PDHX: variants seen among roughly 807,000 people sequenced by gnomAD.
PDHX encodes the protein pyruvate dehydrogenase protein X component, mitochondrial.
In PDHX, 33 loss-of-function variants were observed where a neutral mutation model predicts 55.3. That is an observed-to-expected ratio of 0.60 (90% CI 0.45 to 0.80). The LOEUF (loss-of-function observed/expected upper bound fraction) is 0.80, where lower values mean the gene tolerates loss of function less well. PDHX is among the 30% of genes least tolerant of loss of function. PDHX has a pLI of 0.00. For synonymous variants in PDHX, 226 were observed against 219.4 expected (o/e 1.03, Z -0.27); for missense variants, 622 against 619.9 (o/e 1.00, Z -0.04).
rs146257318 is a variant in PDHX at position 34,992,604 on chromosome 11, A to G, written c.1247+225A>G. Among the ~76,000 whole-genome samples, 202 of 152,306 alleles carry G rather than the reference A, an allele frequency of 1.3e-3. 1 individual carries two copies. Among genetic ancestry groups the G allele is most frequent in the African/African-American group, 4.6e-3 (191 of 41,584 alleles). On this transcript the variant is annotated intron_variant, in intron 10 of 10. Transcript: ENST00000227868. ...TGAACTAAACGTTCGTTGGACATTG[A>G]CTAACATGGAATGATAAATATTATG... is the stretch of plus-strand genomic sequence containing the variant.
chr11:34,974,208 T>C (rs1379473959), intron 7 of PDHX, among the ~76,000 whole-genome samples: 1 of 152,220 alleles, frequency 6.6e-6, no homozygotes, highest in Non-Finnish European at 1.5e-5. Context: ...ACCATTCTTC[T>C]TTCTGTTCCT....
In PDHX at chr11:34,963,406, A is replaced by G. The variant is rs151328387; in HGVS notation, c.641+2888A>G. Among the ~76,000 whole-genome samples the G allele has an allele frequency of 2.1e-3, 327 of 152,222 alleles. 1 individual carries two copies. The highest frequency in any genetic ancestry group is 3.9e-3 in the Non-Finnish European group (263 of 67,992). ...TGGTCCTATCACCTCAACCTCCCAA[A>G]TAGTTGGGACTACAGGTGTGCCACC... On this transcript the variant is annotated intron_variant, in intron 5 of 10. Coordinates refer to ENST00000227868, the MANE Select transcript of PDHX (RefSeq NM_003477.3).
At chr11:34,982,454 A>G (rs1458518311) in intron 8 of PDHX, among the ~76,000 whole-genome samples, 1 of 152,224 alleles carries the variant, frequency 6.6e-6, no homozygotes, top group African/African-American at 2.4e-5. Flanking sequence ...AGACACAAAA[A>G]AACCTTCAAA....
At chr11:34,965,564 C>G (rs1373960061) in intron 5 of PDHX, among the ~76,000 whole-genome samples, 1 of 151,990 alleles carries the variant, frequency 6.6e-6, no homozygotes, top group African/African-American at 2.4e-5. Flanking sequence ...ATAATAGGAC[C>G]TAATAATGGG....
intron 6 of PDHX, among the ~76,000 whole-genome samples, chr11:34,968,372 A>G (rs2761821): frequency 0.72 from 109,471 of 152,078 alleles, 39,507 homozygotes; most frequent in Middle Eastern, 0.78. Flanking sequence ...CTAACATAAA[A>G]TGTTTAATTT....
intron 1 of PDHX, among the ~76,000 whole-genome samples, chr11:34,930,470 T>TG (rs1198323279): frequency 1.1e-4 from 17 of 152,248 alleles, no homozygotes; most frequent in African/African-American, 4.1e-4. Context: ...GCCCTGTTCT[T>TG]CCACATTTGA....
chr11:34,941,835 A>G (rs1854493432), intron 2 of PDHX: 2 of 154,602 alleles, frequency 1.3e-5, no homozygotes, highest in Non-Finnish European at 1.5e-5. Flanking sequence ...CAGGACGATG[A>G]TGCTGGCGTC....
intron 9 of PDHX, among the ~76,000 whole-genome samples, chr11:34,991,906 CAAAAAAAAAA>C (rs1169109545): frequency 2.7e-5 from 1 of 37,314 alleles, no homozygotes; most frequent in Non-Finnish European, 7.9e-5. Flanking sequence ...TGAGACTTCT[CAAAAAAAAAA>C]AAAAAAAAAA....
intron 2 of PDHX, among the ~76,000 whole-genome samples, chr11:34,932,213 A>C (rs1258934722): frequency 6.6e-6 from 1 of 152,184 alleles, no homozygotes; most frequent in Non-Finnish European, 1.5e-5. Context: ...CGGAAGTGGA[A>C]TAAACACCCT....
At chr11:34,972,315 G>T (rs1855274000) in intron 7 of PDHX, among the ~76,000 whole-genome samples, 1 of 150,628 alleles carries the variant, frequency 6.6e-6, no homozygotes, top group African/African-American at 2.4e-5. Context: ...ATTTATTTGA[G>T]ACCTTTATTT....
chr11:34,929,597 A>G (rs1590731131), intron 1 of PDHX, among the ~76,000 whole-genome samples: 1 of 152,228 alleles, frequency 6.6e-6, no homozygotes, highest in Non-Finnish European at 1.5e-5. Context: ...CTGGTTTGCT[A>G]TATTTGGATT....
intron 8 of PDHX, 39 bp downstream of exon 8, chr11:34,978,221 A>G (rs758875845): frequency 1.7e-6 from 2 of 1,181,784 alleles, no homozygotes; most frequent in Non-Finnish European, 2.5e-6. Flanking sequence ...CTTCTTAAGT[A>G]GTTTCATGTC....
Position 34,916,698 on chromosome 11 carries a change from C to T in PDHX, c.43C>T (p.Arg15Cys), listed in dbSNP as rs1247901124. 3 of 1,612,632 alleles carry T rather than the reference C, an allele frequency of 1.9e-6. No homozygotes were observed. The highest frequency in any genetic ancestry group is 1.7e-5 in the Admixed American group (1 of 60,010). The change falls in exon 1 of 11, where the codon CGT (arginine) becomes TGT (cysteine). Residue 15 changes from arginine (R) to cysteine (C), a missense_variant. Coordinates refer to ENST00000227868, the MANE Select transcript of PDHX (RefSeq NM_003477.3). ...WRLGCDPRLL[R>C]YLVGFPGRRS... ...GCTGGGCTGTGATCCGCGGCTGCTG[C>T]GTTATCTTGTGGGCTTCCCCGGCCG...
At chr11:34,926,910 T>G (rs528331306) in intron 1 of PDHX, among the ~76,000 whole-genome samples, 548 of 152,226 alleles carry the variant, frequency 3.6e-3, no homozygotes, top group Middle Eastern at 0.01. Flanking sequence ...GAGGGATTAC[T>G]GTAAAATTCA....
chr11:34,951,202 G>T (rs889946920), intron 3 of PDHX, among the ~76,000 whole-genome samples: 1 of 151,648 alleles, frequency 6.6e-6, no homozygotes, highest in Non-Finnish European at 1.5e-5. Context: ...GACTACAGGC[G>T]CCCGCCATCA....
At chr11:34,950,509 A>G (rs1236011804) in intron 3 of PDHX, among the ~76,000 whole-genome samples, 2 of 150,154 alleles carry the variant, frequency 1.3e-5, no homozygotes, top group Non-Finnish European at 3.0e-5. Flanking sequence ...ATATCTCCTA[A>G]TGCTATCCCT....
chr11:34,975,929 G>A (rs1855360301), intron 7 of PDHX, among the ~76,000 whole-genome samples: 2 of 152,150 alleles, frequency 1.3e-5, no homozygotes, highest in African/African-American at 2.4e-5. Flanking sequence ...CAACTTGAGA[G>A]CTTTTAAAAG....
chr11:34,926,581 T>C (rs2133942124), intron 1 of PDHX, among the ~76,000 whole-genome samples: 1 of 152,262 alleles, frequency 6.6e-6, no homozygotes, highest in East Asian at 1.9e-4. Context: ...TTAATTACTT[T>C]AGTCAGAGTA....
rs1296507841 is a variant in PDHX at position 34,966,757 on chromosome 11, A to G, written c.759A>G (p.Pro253=). 6.2e-7 allele frequency: 1 copy of G among 1,614,044 alleles called. No homozygotes were observed. Among genetic ancestry groups the G allele is most frequent in the Admixed American group, 1.7e-5 (1 of 60,016 alleles). Residue 253 remains proline, a synonymous_variant, in exon 6 of 11, where the codon CCA becomes CCG. Transcript: ENST00000227868. ...CGCCCCTACAGGCCACAGCTGGACC[A>G]TCTTATCCCCGGCCTGTGATCCCAC... ...APSPLQATAG[P]SYPRPVIPPV...
Sources: allele counts gnomAD v4.1 joint callset (sites outside exome capture counted in the v4.1 genomes callset), GRCh38; gene constraint gnomAD v4.1.1; transcripts MANE v1.5; gene names NCBI Gene and HGNC (gene_info 2026-07-23, HGNC 2026-07-21).